Variants in TLN2 observed in about 807,000 individuals in gnomAD.
TLN2 encodes the protein talin-2.
Under a neutral mutation model 294.7 loss-of-function variants are expected in TLN2, and 118 were observed. That is an observed-to-expected ratio of 0.40 (90% CI 0.34 to 0.47). TLN2 has a LOEUF of 0.47. TLN2 is among the 20% of genes least tolerant of loss of function. TLN2 has a pLI of 0.84. For missense variants in TLN2, 3,083 were observed against 3,282.2 expected (o/e 0.94, Z 1.48); for synonymous variants, 1,431 against 1,304.5 (o/e 1.10, Z -2.09).
intron 1 of TLN2, among the ~76,000 whole-genome samples, chr15:62,422,862 G>C (rs886505192): frequency 6.6e-6 from 1 of 152,174 alleles, no homozygotes; most frequent in Admixed American, 6.5e-5. Context: ...GTGATGCCTG[G>C]ACCCCTCTCC....
chr15:62,818,800 C>T (rs1567672761), intron 52 of TLN2, among the ~76,000 whole-genome samples: 3 of 151,430 alleles, frequency 2.0e-5, no homozygotes, highest in South Asian at 4.2e-4. Context: ...TGGCCCATAG[C>T]TTGGGGCTTT....
intron 5 of TLN2, 55 bp from the exon 6 acceptor site, chr15:62,651,950 T>G: frequency 6.7e-7 from 1 of 1,490,788 alleles, no homozygotes. Flanking sequence ...AGTGTTCAAG[T>G]TTGTTATTTA....
intron 54 of TLN2, 118 bp downstream of exon 54, chr15:62,820,728 A>T (rs2067490267): frequency 7.3e-7 from 1 of 1,369,468 alleles, no homozygotes; most frequent in African/African-American, 1.4e-5. Flanking sequence ...TCAGACTAGC[A>T]AGCAGAAAAC....
At chr15:62,398,109 C>T (rs1595717829) in intron 1 of TLN2, among the ~76,000 whole-genome samples, 1 of 152,230 alleles carries the variant, frequency 6.6e-6, no homozygotes, top group East Asian at 1.9e-4. Context: ...ACTGTAGTTG[C>T]CATAATCCCC....
At chr15:62,694,232 C>G in intron 13 of TLN2, 84 bp from the exon 14 acceptor site, 1 of 1,257,964 alleles carries the variant, frequency 7.9e-7, no homozygotes, top group Non-Finnish European at 1.2e-6. Flanking sequence ...CCGTCTCAGC[C>G]TCCCAAAGTG....
At chr15:62,770,451 C>G (rs1380835548) in intron 41 of TLN2, among the ~76,000 whole-genome samples, 2 of 152,194 alleles carry the variant, frequency 1.3e-5, no homozygotes, top group Admixed American at 6.5e-5. Flanking sequence ...AACAGAGCAT[C>G]TAGGCTGATG....
At chr15:62,707,943 A>G (rs12906971) in intron 20 of TLN2, among the ~76,000 whole-genome samples, 133,454 of 151,714 alleles carry the variant, frequency 0.88, 59,975 homozygotes, top group Non-Finnish European at 0.97. Flanking sequence ...GTCATGTTGT[A>G]TAGATCTGTG....
chr15:62,470,605 C>T (rs549321981), intron 1 of TLN2, among the ~76,000 whole-genome samples: 235 of 152,330 alleles, frequency 1.5e-3, no homozygotes, highest in Non-Finnish European at 2.2e-3. Context: ...TAAGAGTGGC[C>T]TGGAGCAGGT....
intron 45 of TLN2, 22 bp downstream of exon 45, chr15:62,783,912 A>G: frequency 1.2e-6 from 2 of 1,613,154 alleles, no homozygotes; most frequent in South Asian, 2.2e-5. Context: ...TAAGACCCCT[A>G]TTTTAAGATG....
At chr15:62,423,000 G>A (rs1449336017) in intron 1 of TLN2, among the ~76,000 whole-genome samples, 1 of 152,218 alleles carries the variant, frequency 6.6e-6, no homozygotes, top group Admixed American at 6.5e-5. Flanking sequence ...TGCATGGTCT[G>A]CACAGTGTAG....
At chr15:62,465,911 A>AT (rs2037110177) in intron 1 of TLN2, among the ~76,000 whole-genome samples, 1 of 152,054 alleles carries the variant, frequency 6.6e-6, no homozygotes, top group Non-Finnish European at 1.5e-5. Context: ...AGGTTTTAGG[A>AT]TTGGAAGGAG....
chr15:62,665,366 A>T (rs1057372683), intron 9 of TLN2, among the ~76,000 whole-genome samples: 19 of 152,216 alleles, frequency 1.2e-4, no homozygotes, highest in Non-Finnish European at 2.1e-4. Flanking sequence ...ACATTTTTTT[A>T]AAAAAAGGTG....
intron 28 of TLN2, among the ~76,000 whole-genome samples, chr15:62,732,181 G>T (rs1026006483): frequency 6.6e-6 from 1 of 152,184 alleles, no homozygotes; most frequent in Admixed American, 6.5e-5. Flanking sequence ...ACACTTTCCC[G>T]AAATCTTGCC....
intron 57 of TLN2, 80 bp from the exon 58 acceptor site, chr15:62,838,776 A>C (rs1221904297): frequency 6.4e-7 from 1 of 1,557,026 alleles, no homozygotes; most frequent in East Asian, 2.3e-5. Flanking sequence ...TGGTCTCACA[A>C]ACTGTACCTT....
rs1555462003 is a variant in TLN2, at chr15:62,664,875, A to AAAAAAAAAAAAAAAAAG, written c.788+6980_788+6981insAAAAAAAAAAAAAGAAA. On this transcript the variant is annotated intron_variant, in intron 9 of 58. Transcript: ENST00000636159. ...ACTGTCTCAAAAAAAAAAAAAAAAA[A>AAAAAAAAAAAAAAAAAG]AAAGTGGCTACCTAATAAAGAAAGG... 3.8e-4 allele frequency among the ~76,000 whole-genome samples: 56 copies of AAAAAAAAAAAAAAAAAG among 146,550 alleles called. 1 individual carries two copies. The highest frequency in any genetic ancestry group is 1.3e-3 in the African/African-American group (48 of 37,528).
At chr15:62,696,649 A>G (rs1052810876) in intron 14 of TLN2, among the ~76,000 whole-genome samples, 3 of 152,228 alleles carry the variant, frequency 2.0e-5, no homozygotes, top group Non-Finnish European at 4.4e-5. Flanking sequence ...CAGAGGTTGC[A>G]GTGAGCCGAG....
chr15:62,753,652 A>G, intron 35 of TLN2, 121 bp from the exon 36 acceptor site: 1 of 1,229,070 alleles, frequency 8.1e-7, no homozygotes. Flanking sequence ...GATGACCTTG[A>G]CCAGTTTGAA....
chr15:62,537,628 T>C (rs964324559), intron 1 of TLN2, among the ~76,000 whole-genome samples: 1 of 152,196 alleles, frequency 6.6e-6, no homozygotes. Context: ...TGAGCTTTTC[T>C]CTTTTCTCTG....
intron 12 of TLN2, among the ~76,000 whole-genome samples, chr15:62,690,692 G>C (rs1180071653): frequency 6.7e-6 from 1 of 149,000 alleles, no homozygotes; most frequent in Non-Finnish European, 1.5e-5. Flanking sequence ...AGCGAGCCGA[G>C]ATCACGCCAC....
Sources: allele counts gnomAD v4.1 joint callset (sites outside exome capture counted in the v4.1 genomes callset), GRCh38; gene constraint gnomAD v4.1.1; transcripts MANE v1.5; gene names NCBI Gene and HGNC (gene_info 2026-07-23, HGNC 2026-07-21).